GRAMD1A: variants seen among roughly 807,000 people sequenced by gnomAD.
The protein encoded by GRAMD1A is GRAM domain containing 1A.
Under a neutral mutation model 92.0 loss-of-function variants are expected in GRAMD1A, and 50 were observed. The observed-to-expected ratio is 0.54, with a 90% confidence interval of 0.43 to 0.69. GRAMD1A has a LOEUF of 0.69. GRAMD1A is among the 30% of genes least tolerant of loss of function. The pLI is 0.00. For synonymous variants in GRAMD1A, 405 were observed against 403.6 expected (o/e 1.00, Z -0.04); for missense variants, 819 against 978.9 (o/e 0.84, Z 2.18).
chr19:35,025,842 C>T (rs2016393795), intron 19 of GRAMD1A, among the ~76,000 whole-genome samples: 1 of 152,278 alleles, frequency 6.6e-6, no homozygotes, highest in Middle Eastern at 3.4e-3. Context: ...ATCGGGGTCA[C>T]AGGCACACAC....
In GRAMD1A at chr19:35,009,126, C is replaced by G; in HGVS notation, c.16C>G (p.Pro6Ala). MFDTT[P>A]HSGRSTPSSS... ...TCCTCTTCCTGCCCCCAGCACCACA[C>G]CCCACTCTGGCCGGAGCACGCCAAG... is the stretch of plus-strand genomic sequence containing the variant. The change falls in exon 2 of 20, where the codon CCC becomes GCC. Residue 6 changes from proline (P) to alanine (A), a missense_variant. Coordinates refer to ENST00000317991, the MANE Select transcript of GRAMD1A (RefSeq NM_020895.5). 6.2e-7 allele frequency: 1 copy of G among 1,611,290 alleles called. No homozygotes were observed. The highest frequency in any genetic ancestry group is 8.5e-7 in the Non-Finnish European group (1 of 1,177,516).
intron 1 of GRAMD1A, among the ~76,000 whole-genome samples, chr19:35,004,971 C>G (rs535961538): frequency 6.6e-6 from 1 of 152,110 alleles, no homozygotes; most frequent in African/African-American, 2.4e-5. Flanking sequence ...ACAGAAAGGA[C>G]GCGGTGGCAC....
rs2290647 is a variant in GRAMD1A at position 35,015,825 on chromosome 19, G to A, written c.1071G>A (p.Ala357=). Reference sequence around the variant, plus strand: ...TCCTCGGCTCTCCTCTGTCTCCAGCGGACTTGGCTGCCCTGCTTCCCGACC... The same window carrying A: ...TCCTCGGCTCTCCTCTGTCTCCAGCAGACTTGGCTGCCCTGCTTCCCGACC... ...SNSSSSTGEE[A]DLAALLPDLS... Residue 357 remains alanine (A), a splice_region_variant and synonymous_variant, in exon 11 of 20, where the codon GCG becomes GCA. Transcript: ENST00000317991. 484,227 of 1,612,494 alleles carry A rather than the reference G, an allele frequency of 0.3. 75,002 individuals carry two copies. The highest frequency in any genetic ancestry group is 0.46 in the Middle Eastern group (2,762 of 6,052).
chr19:35,002,309 T>C (rs2014435193), intron 1 of GRAMD1A: 1 of 152,434 alleles, frequency 6.6e-6, no homozygotes, highest in African/African-American at 2.4e-5. Flanking sequence ...TCGGCTGCAT[T>C]ATTCCCAAGT....
At chr19:35,011,207 C>A (rs8111507) in intron 6 of GRAMD1A, among the ~76,000 whole-genome samples, 21,537 of 152,102 alleles carry the variant, frequency 0.14, 1,897 homozygotes, top group African/African-American at 0.25. Flanking sequence ...CTGGGCTGAC[C>A]CTGTCTAGAG....
rs202058211 is a variant in GRAMD1A at position 35,014,221 on chromosome 19, C to A, written c.903C>A (p.Ser301Arg). The A allele has an allele frequency of 6.2e-7, 1 of 1,613,850 alleles. No individual in the cohort carries two copies. Among genetic ancestry groups the A allele is most frequent in the Non-Finnish European group, 8.5e-7 (1 of 1,179,988 alleles). ...AGGACAAGGAGGAGCAGGTAGACAG[C>A]CAGCCAGACGCCTCCTCCAGCCAGA... is the stretch of plus-strand genomic sequence containing the variant. ...AEEDKEEQVD[S>R]QPDASSSQTV... The change falls in exon 10 of 20, where the codon AGC (serine) becomes AGA (arginine). Residue 301 changes from serine to arginine, a missense_variant. Physicochemically the swap from Ser to Arg is moderately radical, Grantham distance 110. Coordinates refer to ENST00000317991, the MANE Select transcript of GRAMD1A (RefSeq NM_020895.5).
chr19:35,022,240 G>T (rs77402758), intron 16 of GRAMD1A, among the ~76,000 whole-genome samples: 20 of 152,154 alleles, frequency 1.3e-4, no homozygotes, highest in Admixed American at 1.2e-3. Flanking sequence ...GCAGAGCCGG[G>T]GGGGGCTATG....
rs1267967411 is a variant in GRAMD1A, at chr19:35,022,110, G to A, written c.1841+72G>A. 7 of 1,089,930 alleles carry A rather than the reference G, an allele frequency of 6.4e-6. No homozygotes were observed. In the East Asian group the frequency reaches 1.2e-4, roughly 19 times the overall value. The allele number at this position is 1,089,930 out of a possible 1,614,324, so 67.5% of individuals were successfully genotyped here. ...CCTGGCTGTGTGACCTTGGGCAAGT[G>A]TGTGGCCTCTTTGAGCTCTCTGCTT... is the stretch of plus-strand genomic sequence containing the variant. On this transcript the variant is annotated intron_variant, in intron 16 of 19. Coordinates refer to ENST00000317991, the MANE Select transcript of GRAMD1A (RefSeq NM_020895.5).
At chr19:35,020,658 CAAA>C (rs56181450) in intron 13 of GRAMD1A, among the ~76,000 whole-genome samples, 8 of 112,340 alleles carry the variant, frequency 7.1e-5, no homozygotes, top group East Asian at 3.0e-4. Context: ...GACCCTGTCT[CAAA>C]AAAAAAAAAA....
chr19:35,022,159 C>A, intron 16 of GRAMD1A, 121 bp downstream of exon 16: 1 of 673,432 alleles, frequency 1.5e-6, no homozygotes, highest in Non-Finnish European at 2.5e-6. Flanking sequence ...GGTTTGCTCA[C>A]AGCAAGGATT....
upstream of GRAMD1A, chr19:34,998,581 G>A (rs777769917): frequency 5.3e-5 from 8 of 152,078 alleles, no homozygotes; most frequent in Non-Finnish European, 1.2e-4. Context: ...GGGATTACAG[G>A]CGTGACCCAA....
chr19:34,996,343 T>C (rs979060262), upstream of GRAMD1A: 30 of 1,393,464 alleles, frequency 2.2e-5, no homozygotes, highest in Non-Finnish European at 2.8e-5. Context: ...CTAGGGAGGG[T>C]TCTCTCTGTC....
At chr19:35,010,477 TCTCCGAG>T in intron 6 of GRAMD1A, 98 bp downstream of exon 6, 1 of 801,440 alleles carries the variant, frequency 1.2e-6, no homozygotes, top group South Asian at 1.5e-5. Flanking sequence ...CCCTGAGTTC[TCTCCGAG>T]CTGTCCCCTT....
upstream of GRAMD1A, chr19:34,995,905 G>C (rs1362098671): frequency 1.2e-6 from 1 of 818,742 alleles, no homozygotes; most frequent in Non-Finnish European, 1.9e-6. Context: ...CTTAATCATA[G>C]CTCATTTCTC....
In GRAMD1A at chr19:35,026,297, G is replaced by A; in HGVS notation, c.*156G>A. On this transcript the variant is annotated 3_prime_UTR_variant, in exon 20 of 20. Coordinates refer to ENST00000317991, the MANE Select transcript of GRAMD1A (RefSeq NM_020895.5). The stretch of plus-strand genomic sequence containing the variant: ...GCAGACGTGGGGACCACGGAACCGA[G>A]ATGCACTTTAGACCAGGGAGCTGGC... 1.7e-6 allele frequency: 1 copy of A among 600,866 alleles called. No individual in the cohort carries two copies. The highest frequency in any genetic ancestry group is 1.9e-5 in the South Asian group (1 of 53,426). The allele number at this position is 600,866 out of a possible 1,614,324, so 37.2% of individuals were successfully genotyped here.
In GRAMD1A at chr19:35,026,087, A is replaced by G. The variant is rs1298951834; in HGVS notation, c.2121A>G (p.Thr707=). The G allele has an allele frequency of 1.9e-6, 3 of 1,607,628 alleles. No homozygotes were observed. The highest frequency in any genetic ancestry group is 1.7e-5 in the Admixed American group (1 of 60,004). ...FSLEKLHQGI[T]VSDPPFDTQP... ...TGGAGAAGCTGCACCAAGGCATCAC[A>G]GTCTCAGACCCTCCCTTTGACACCC... is the stretch of plus-strand genomic sequence containing the variant. The change falls in exon 20 of 20, where the codon ACA becomes ACG. Residue 707 remains threonine (T), a synonymous_variant. Transcript: ENST00000317991.
At position 35,013,301 on chromosome 19, in the gene GRAMD1A, G is replaced by A. The variant is rs773224886; in HGVS notation, c.652G>A (p.Gly218Ser). The A allele has an allele frequency of 1.9e-6, 3 of 1,552,320 alleles. No individual in the cohort carries two copies. The highest frequency in any genetic ancestry group is 1.4e-5 in the African/African-American group (1 of 73,080). The stretch of plus-strand genomic sequence containing the variant: ...CTGGCACCTGGTGCATCAGTGCTAC[G>A]GCTCAGAGCTGGGCCTCACCAGTGA... ...ELWHLVHQCY[G>S]SELGLTSEDE... The change falls in exon 8 of 20, where the codon GGC becomes AGC. Residue 218 changes from glycine (G) to serine (S), a missense_variant. Around this residue, in one of 3 missense-constraint regions of GRAMD1A, gnomAD observed 144 missense variants for 220.3 expected, o/e 0.65. Transcript: ENST00000317991. The surrounding 1 kb of genome is among the most constrained non-coding windows in gnomAD (Gnocchi z 4.9).
chr19:35,011,378 A>T, intron 6 of GRAMD1A, 96 bp from the exon 7 acceptor site: 1 of 876,828 alleles, frequency 1.1e-6, no homozygotes, highest in Non-Finnish European at 1.9e-6. Context: ...GGGGCCAAAG[A>T]TGTGGCGTCA....
At chr19:35,024,455 C>T (rs2016297529) in intron 19 of GRAMD1A, among the ~76,000 whole-genome samples, 1 of 152,066 alleles carries the variant, frequency 6.6e-6, no homozygotes. Flanking sequence ...TGCGGTGGGT[C>T]AGAGCAAGTG....
Sources: allele counts gnomAD v4.1 joint callset (sites outside exome capture counted in the v4.1 genomes callset), GRCh38; gene constraint gnomAD v4.1.1; regional missense constraint gnomAD v4.1.1; non-coding constraint Gnocchi (gnomAD v3.1); transcripts MANE v1.5; gene names NCBI Gene and HGNC (gene_info 2026-07-23, HGNC 2026-07-21).